CC2D2A: variants seen among roughly 807,000 people sequenced by gnomAD.
CC2D2A encodes the protein coiled-coil and C2 domain-containing protein 2A.
CC2D2A carries 155 observed loss-of-function variants against 212.9 expected under a neutral mutation model. The observed-to-expected ratio is 0.73, with a 90% CI of 0.64 to 0.83. CC2D2A has a LOEUF of 0.83. CC2D2A is among the 40% of genes least tolerant of loss of function. CC2D2A has a pLI of 0.00. For synonymous variants in CC2D2A, 667 were observed against 686.5 expected, an observed-to-expected ratio of 0.97 and a Z score of 0.44; for missense variants, 1,856 against 1,956.2, an observed-to-expected ratio of 0.95 and a Z score of 0.97.
chr4:15,540,414 A>C (rs769418522), intron 16 of CC2D2A, among the ~76,000 whole-genome samples: 12 of 152,192 alleles, frequency 7.9e-5, no homozygotes, highest in Non-Finnish European at 1.6e-4. Flanking sequence ...TCTTGGAAAA[A>C]TGAACTCGAT....
chr4:15,486,565 T>A (rs1202575317), intron 4 of CC2D2A, among the ~76,000 whole-genome samples: 16 of 152,036 alleles, frequency 1.1e-4, no homozygotes, highest in Admixed American at 1.0e-3. Context: ...TTAATCTGGC[T>A]AAAGTTTTGT....
At chr4:15,529,452 G>A (rs912420927) in intron 13 of CC2D2A, among the ~76,000 whole-genome samples, 8 of 151,720 alleles carry the variant, frequency 5.3e-5, no homozygotes, top group Admixed American at 2.0e-4. Context: ...CTTGATATAC[G>A]CTTACAGTGA....
At chr4:15,538,334 A>G (rs748720323) in intron 16 of CC2D2A, among the ~76,000 whole-genome samples, 197 bp downstream of exon 16, 4 of 152,232 alleles carry the variant, frequency 2.6e-5, no homozygotes, top group Admixed American at 6.5e-5. Context: ...AGGTGATTTC[A>G]TATGATTCAC....
In CC2D2A at chr4:15,537,013, C is replaced by T. The variant is rs769840882; in HGVS notation, c.1701C>T (p.Tyr567=). 19 of 1,613,460 alleles carry T rather than the reference C, an allele frequency of 1.2e-5. No homozygotes were observed. The highest frequency in any genetic ancestry group is 5.5e-5 in the South Asian group (5 of 91,030). The change falls in exon 15 of 37, where the codon TAC becomes TAT. Residue 567 remains tyrosine, a synonymous_variant. Transcript: ENST00000424120. The stretch of plus-strand genomic sequence containing the variant: ...TGTTAGAAGAGCACACGGAGGAGTA[C>T]GCACAGAAGATGGAAGAATACAGAA... The part of the protein sequence containing the change: ...SELLEEHTEE[Y]AQKMEEYRTS...
rs146527653 is a variant in CC2D2A at position 15,476,054 on chromosome 4, G to A, written c.39+83G>A. The A allele has an allele frequency of 1.5e-3, 1,732 of 1,185,972 alleles. 3 individuals carry two copies. The highest frequency in any genetic ancestry group is 2.5e-3 in the Middle Eastern group (13 of 5,178). 73.5% of individuals were successfully genotyped at this position (1,185,972 alleles called of 1,614,324 possible). A position where few individuals can be genotyped will look rare whatever the true frequency, so the allele number is the denominator to read the frequency against. On this transcript the variant is annotated intron_variant, in intron 2 of 36. Coordinates refer to ENST00000424120, the MANE Select transcript of CC2D2A (RefSeq NM_001378615.1). The stretch of plus-strand genomic sequence containing the variant: ...CACGTGTTTGTGAATGAGGAAGTTA[G>A]GCCAACCAGCATCTATTGCACATGT...
intron 11 of CC2D2A, among the ~76,000 whole-genome samples, chr4:15,518,328 T>A (rs1217614184): frequency 6.6e-6 from 1 of 152,152 alleles, no homozygotes; most frequent in Admixed American, 6.5e-5. Flanking sequence ...CGCATTCCGG[T>A]CATGCTGATG....
At chr4:15,514,896 C>A in intron 9 of CC2D2A, 27 bp downstream of exon 9, 1 of 1,603,756 alleles carries the variant, frequency 6.2e-7, no homozygotes, top group South Asian at 1.1e-5. Flanking sequence ...TTTTCTTGTT[C>A]AGCTTAGACA....
Position 15,478,749 on chromosome 4 carries a change from A to G in CC2D2A, c.66A>G (p.Ala22=). The G allele has an allele frequency of 6.4e-7, 1 of 1,555,068 alleles. No homozygotes were observed. The highest frequency in any genetic ancestry group is 8.7e-7 in the Non-Finnish European group (1 of 1,148,864). Reference sequence around the variant, plus strand: ...AGTTCATTGAAAATGATGAGGATGCAGACATGGGAAGACAGAATAAGAACT... The same window carrying G: ...AGTTCATTGAAAATGATGAGGATGCGGACATGGGAAGACAGAATAAGAACT... The part of the protein sequence containing the change: ...TEEFIENDED[A]DMGRQNKNSK... Residue 22 remains alanine, a synonymous_variant, in exon 3 of 37, where the codon GCA becomes GCG. Transcript: ENST00000424120.
rs58218122 is a variant in CC2D2A at position 15,516,133 on chromosome 4, A to AT, written c.1017+142dup. The AT allele has an allele frequency of 0.022, 16,352 of 732,782 alleles. 110 individuals carry two copies. The highest frequency in any genetic ancestry group is 0.075 in the African/African-American group (4,027 of 53,746). 45.4% of individuals were successfully genotyped at this position (732,782 alleles called of 1,614,324 possible). A position where few individuals can be genotyped will look rare whatever the true frequency, so the allele number is the denominator to read the frequency against. ...TGAGGTTATCCACAGAAAGTGGTTC[A>AT]TTTTTTTTTTTTTAACTTTCTCTCT... On this transcript the variant is annotated intron_variant, in intron 10 of 36. Transcript: ENST00000424120.
At chr4:15,485,906 A>C (rs966072683) in intron 4 of CC2D2A, among the ~76,000 whole-genome samples, 1 of 152,086 alleles carries the variant, frequency 6.6e-6, no homozygotes, top group African/African-American at 2.4e-5. Flanking sequence ...ATATTTTTTC[A>C]CATCTACTGA....
At chr4:15,545,628 C>T (rs1217339753) in intron 17 of CC2D2A, among the ~76,000 whole-genome samples, 1 of 152,018 alleles carries the variant, frequency 6.6e-6, no homozygotes, top group East Asian at 1.9e-4. Flanking sequence ...AATGCCAAGG[C>T]AGTTCTACAA....
At chr4:15,502,570 G>T (rs1716021901) in intron 5 of CC2D2A, 53 bp downstream of exon 5, 2 of 1,443,172 alleles carry the variant, frequency 1.4e-6, no homozygotes, top group South Asian at 2.5e-5. Context: ...ATCTTCCAGG[G>T]CTTGTCTAGC....
At chr4:15,592,122 ATAAGTCTCTTCCCTTTCCACTG>A (rs1251026537) in intron 33 of CC2D2A, among the ~76,000 whole-genome samples, 4 of 152,138 alleles carry the variant, frequency 2.6e-5, no homozygotes, top group African/African-American at 9.7e-5. Flanking sequence ...TTTCCAAGGA[ATAAGTCTCTTCCCTTTCCACTG>A]TGCTTGTTTC....
At chr4:15,502,662 G>A (rs930194703) in intron 5 of CC2D2A, 145 bp downstream of exon 5, 4 of 997,532 alleles carry the variant, frequency 4.0e-6, no homozygotes, top group Non-Finnish European at 5.9e-6. Context: ...GTCTTATTTT[G>A]CATTGGCACA....
At position 15,585,259 on chromosome 4, in the gene CC2D2A, G is replaced by A. The variant is rs565988966; in HGVS notation, c.3976-898G>A. The stretch of plus-strand genomic sequence containing the variant: ...GAATCAAGCAAAGTACCCATCTATG[G>A]ATGAATGAATAAAGAAAATGTGGTA... On this transcript the variant is annotated intron_variant, in intron 30 of 36. Coordinates refer to ENST00000424120, the MANE Select transcript of CC2D2A (RefSeq NM_001378615.1). Among the ~76,000 whole-genome samples the A allele has an allele frequency of 9.9e-5, 15 of 152,264 alleles. No individual in the cohort carries two copies. In the South Asian group the frequency reaches 3.1e-3, roughly 32 times the overall value.
intron 9 of CC2D2A, among the ~76,000 whole-genome samples, chr4:15,515,261 C>A (rs1396016357): frequency 6.6e-6 from 1 of 152,214 alleles, no homozygotes; most frequent in Non-Finnish European, 1.5e-5. Flanking sequence ...CTGTTGCTGC[C>A]TATCACTCCC....
intron 24 of CC2D2A, among the ~76,000 whole-genome samples, chr4:15,566,360 G>A (rs1223915884): frequency 6.7e-6 from 1 of 149,520 alleles, no homozygotes; most frequent in Non-Finnish European, 1.5e-5. Flanking sequence ...ACAGACAGTG[G>A]GGAGAACCTG....
chr4:15,495,898 A>AT (rs1326897027), intron 4 of CC2D2A, among the ~76,000 whole-genome samples: 1 of 152,046 alleles, frequency 6.6e-6, no homozygotes, highest in Non-Finnish European at 1.5e-5. Context: ...AGCATCTGTT[A>AT]TTTTTTGACA....
rs11445564 is a variant in CC2D2A at position 15,565,399 on chromosome 4, G to GTT, written c.3182+1891_3182+1892dup. On this transcript the variant is annotated intron_variant, in intron 24 of 36. Transcript: ENST00000424120. ...TTACCTTTGCACTCATCCACATACG[G>GTT]TTTTTTTTTTTTTTTGCCTCCCTCA... 5.8e-3 allele frequency among the ~76,000 whole-genome samples: 808 copies of GTT among 140,204 alleles called. 9 individuals carry two copies. The highest frequency in any genetic ancestry group is 0.012 in the Middle Eastern group (3 of 258). 92.0% of individuals were successfully genotyped at this position (140,204 alleles called of 152,430 possible). A position where few individuals can be genotyped will look rare whatever the true frequency, so the allele number is the denominator to read the frequency against.
Sources: allele counts gnomAD v4.1 joint callset (sites outside exome capture counted in the v4.1 genomes callset), GRCh38; gene constraint gnomAD v4.1.1; transcripts MANE v1.5; gene names NCBI Gene and HGNC (gene_info 2026-07-23, HGNC 2026-07-21).